The following SLC9A6 variants were observed in gnomAD, a reference collection of about 807,000 sequenced individuals.
SLC9A6 encodes solute carrier family 9 member A6.
A neutral mutation model predicts 45.3 loss-of-function variants in SLC9A6; 6 were observed. The observed-to-expected ratio is 0.13, with a 90% CI of 0.07 to 0.26. The LOEUF is 0.26. Among genes scored for constraint, SLC9A6 ranks in the 10% least tolerant of loss-of-function variants. SLC9A6 has a pLI of 1.00. For missense variants in SLC9A6, 278 were observed against 503.7 expected (o/e 0.55, Z 4.29); for synonymous variants, 191 against 187.7 (o/e 1.02, Z -0.14).
upstream of SLC9A6, chrX:135,985,405 G>T: frequency 1.8e-6 from 1 of 561,309 alleles, no homozygotes; most frequent in Non-Finnish European, 2.5e-6. Context: ...GCGCTCCGAC[G>T]GCTACCCCCG....
rs1292220528 is a variant in SLC9A6 at position 135,998,505 on chromosome X, G to C, written c.471G>C (p.Gly157=). Residue 157 remains glycine, a synonymous_variant, in exon 5 of 18, where the codon GGG becomes GGC. Transcript: ENST00000630721. ...AGAGACATTTTTTTCGAAATCTTGG[G>C]TCTATCCTAGCATACGCTTTTCTTG... ...LKRRHFFRNL[G]SILAYAFLGT... is the part of the protein sequence containing the mutation. The C allele has an allele frequency of 8.5e-7, 1 of 1,177,858 alleles. No homozygotes were observed.
intron 2 of SLC9A6, among the ~76,000 whole-genome samples, chrX:135,993,792 GA>G (rs1176309418): frequency 2.1e-4 from 22 of 103,382 alleles, no homozygotes; most frequent in South Asian, 4.2e-4. Context: ...TTTCGTCTCA[GA>G]AAAAAAAAAA....
intron 11 of SLC9A6, among the ~76,000 whole-genome samples, chrX:136,019,980 G>A (rs1379362691): frequency 1.8e-5 from 2 of 112,128 alleles, no homozygotes; most frequent in Non-Finnish European, 3.8e-5. Context: ...CCTGCAGTTG[G>A]AACTTGTCTG....
At chrX:136,037,610 G>T (rs782780137) in intron 16 of SLC9A6, among the ~76,000 whole-genome samples, 8 of 111,465 alleles carry the variant, frequency 7.2e-5, no homozygotes, top group Non-Finnish European at 1.1e-4. Context: ...TCACTCTGTT[G>T]CCCAGGCAGG....
rs375038684 is a variant in SLC9A6 at position 135,998,464 on chromosome X, CT to C, written c.448-6del. On this transcript the variant is annotated splice_polypyrimidine_tract_variant and intron_variant, in intron 4 of 17. Transcript: ENST00000630721. ...ACTGGTAAGTATTCTAACAGTGTAACTTTTTTTTTTTTGTCAGAGACATTTT... is the reference window on the plus strand; with the variant it reads ...ACTGGTAAGTATTCTAACAGTGTAACTTTTTTTTTTTGTCAGAGACATTTT... 563 of 821,684 alleles carry C rather than the reference CT, an allele frequency of 6.9e-4. No individual in the cohort carries two copies. The highest frequency in any genetic ancestry group is 1.2e-3 in the African/African-American group (53 of 45,813). 67.7% of individuals were successfully genotyped at this position (821,684 alleles called of 1,213,427 possible).
In SLC9A6 at chrX:136,030,178, T is replaced by C. The variant is rs1556620951; in HGVS notation, c.1581+16T>C. 3 of 1,200,269 alleles carry C rather than the reference T, an allele frequency of 2.5e-6. No homozygotes were observed. The highest frequency in any genetic ancestry group is 4.3e-5 in the Admixed American group (2 of 46,072). ...AGAACACTTGGTAAATATGCGTTTTTGTTGTTCCTGGCATTTCTGTCAAAT... is the reference window on the plus strand; with the variant it reads ...AGAACACTTGGTAAATATGCGTTTTCGTTGTTCCTGGCATTTCTGTCAAAT... On this transcript the variant is annotated intron_variant, in intron 15 of 17. Transcript: ENST00000630721.
At chrX:135,978,957 C>G (rs782080087) in intron 1 of SLC9A6, among the ~76,000 whole-genome samples, 3 of 110,440 alleles carry the variant, frequency 2.7e-5, no homozygotes, top group Non-Finnish European at 3.8e-5. Context: ...ACCCCTCATT[C>G]GTCATGATTG....
chrX:136,014,467 A>G (rs1556619018), intron 10 of SLC9A6, among the ~76,000 whole-genome samples: 1 of 112,734 alleles, frequency 8.9e-6, no homozygotes. Context: ...TGGGAAGGGA[A>G]TAAAAAACAA....
At chrX:136,030,521 G>A (rs2071303235) in intron 15 of SLC9A6, 2 of 219,959 alleles carry the variant, frequency 9.1e-6, no homozygotes, top group Non-Finnish European at 1.7e-5. Context: ...TGTCTCTGAT[G>A]TAAGCCCCAC....
chrX:136,016,481 A>G (rs1406373546), intron 10 of SLC9A6, among the ~76,000 whole-genome samples, 164 bp from the exon 11 acceptor site: 1 of 111,476 alleles, frequency 9.0e-6, no homozygotes, highest in Non-Finnish European at 1.9e-5. Flanking sequence ...TTTCTGCAGG[A>G]CTAGAAATGT....
chrX:136,042,872 A>G (rs2071537594), intron 17 of SLC9A6, among the ~76,000 whole-genome samples: 1 of 111,475 alleles, frequency 9.0e-6, no homozygotes, highest in African/African-American at 3.3e-5. Context: ...TCATGTATTC[A>G]GTCTCTTATG....
chrX:136,032,291 C>T (rs1464204028), intron 15 of SLC9A6, among the ~76,000 whole-genome samples: 3 of 111,985 alleles, frequency 2.7e-5, no homozygotes, highest in Admixed American at 1.9e-4. Flanking sequence ...AGGCTGGACT[C>T]GAACTCCTGA....
rs782395892 is a variant in SLC9A6, at chrX:135,992,320, G to A, written c.170-2466G>A. On this transcript the variant is annotated intron_variant, in intron 2 of 17. Transcript: ENST00000630721. ...TCCTGTCAGTACTCTCTTAGGTTAG[G>A]ACCTAAACTCTTATTGCCTGAATGC... is the stretch of plus-strand genomic sequence containing the variant. Among the ~76,000 whole-genome samples the A allele has an allele frequency of 4.5e-5, 5 of 111,508 alleles. No homozygotes were observed. In the South Asian group the frequency reaches 1.9e-3, roughly 42 times the overall value.
intron 1 of SLC9A6, among the ~76,000 whole-genome samples, chrX:135,978,488 C>T (rs1395848908): frequency 1.8e-5 from 2 of 111,055 alleles, no homozygotes; most frequent in African/African-American, 6.6e-5. Flanking sequence ...CCCATCTCTA[C>T]TAAAAACACA....
chrX:136,037,016 A>AC (rs1350809074), intron 16 of SLC9A6, among the ~76,000 whole-genome samples: 2 of 112,343 alleles, frequency 1.8e-5, no homozygotes, highest in Non-Finnish European at 3.8e-5. Flanking sequence ...GTTGTAAATC[A>AC]CTTGGCTGTA....
At chrX:136,040,241 A>G (rs1025777742) in intron 17 of SLC9A6, 60 bp downstream of exon 17, 4 of 818,953 alleles carry the variant, frequency 4.9e-6, no homozygotes, top group Middle Eastern at 4.1e-4. Flanking sequence ...TGCTCTGTGG[A>G]TGAGTCACTG....
At chrX:136,023,847 A>G (rs891638432) in intron 12 of SLC9A6, among the ~76,000 whole-genome samples, 1 of 111,498 alleles carries the variant, frequency 9.0e-6, no homozygotes, top group Non-Finnish European at 1.9e-5. Flanking sequence ...TGAAACATCA[A>G]TGCATGTCAG....
At chrX:135,980,269 A>C (rs2148125658), upstream of SLC9A6, among the ~76,000 whole-genome samples, 1 of 108,709 alleles carries the variant, frequency 9.2e-6, no homozygotes, top group African/African-American at 3.4e-5. Flanking sequence ...GCTGCAGTGC[A>C]GTGGTGCAAT....
intron 2 of SLC9A6, among the ~76,000 whole-genome samples, chrX:135,990,857 G>T (rs1230930651): frequency 8.9e-6 from 1 of 111,921 alleles, no homozygotes; most frequent in Non-Finnish European, 1.9e-5. Flanking sequence ...GCCATTATTA[G>T]CATTTGTAGT....
Sources: gnomAD v4.1 joint callset for allele counts (sites outside exome capture counted in the v4.1 genomes callset) on GRCh38, gnomAD v4.1.1 for gene constraint, MANE v1.5 for transcripts, NCBI Gene and HGNC (gene_info 2026-07-23, HGNC 2026-07-21) for gene names.